The following PCOLCE variants were observed in gnomAD, a reference collection of about 807,000 sequenced individuals.
PCOLCE encodes procollagen C-endopeptidase enhancer 1.
PCOLCE carries 33 observed loss-of-function variants against 47.2 expected under a neutral mutation model. That is an observed-to-expected ratio of 0.70 (90% CI 0.53 to 0.93). The LOEUF is 0.93. PCOLCE is among the 40% of genes least tolerant of loss of function. PCOLCE has a pLI of 0.00. For synonymous variants in PCOLCE, 254 were observed against 252.5 expected, an observed-to-expected ratio of 1.01 and a Z score of -0.06; for missense variants, 584 against 585.3, an observed-to-expected ratio of 1.00 and a Z score of 0.02.
chr7:100,606,276 C>G (rs1364454787), intron 5 of PCOLCE, 140 bp from the exon 6 acceptor site: 1 of 625,356 alleles, frequency 1.6e-6, no homozygotes, highest in Non-Finnish European at 2.8e-6. Context: ...CTGCAGTAAG[C>G]CTAGATGGAG....
chr7:100,602,471 C>G lies in PCOLCE; in HGVS notation c.15C>G (p.Ala5=). ...CCCCCGGGGCCATGCTGCCTGCAGC[C>G]ACAGCCTCCCTCCTGGGGCCCCTCC... MLPA[A]TASLLGPLLT... The change falls in exon 1 of 9, where the codon GCC becomes GCG. Residue 5 remains alanine, a synonymous_variant. Transcript: ENST00000223061. 1.2e-6 allele frequency: 2 copies of G among 1,612,166 alleles called. No individual in the cohort carries two copies. The highest frequency in any genetic ancestry group is 1.7e-6 in the Non-Finnish European group (2 of 1,179,396).
rs774605703 is a variant in PCOLCE at position 100,606,399 on chromosome 7, T to C, written c.726-17T>C. On this transcript the variant is annotated splice_polypyrimidine_tract_variant and intron_variant, in intron 5 of 8. Coordinates refer to ENST00000223061, the MANE Select transcript of PCOLCE (RefSeq NM_002593.4). ...CCCGCCCTGACACTTCCCCCAATGC[T>C]CGGTGGCCACCTGCAGCTCCATCTC... 3 of 1,603,700 alleles carry C rather than the reference T, an allele frequency of 1.9e-6. No individual in the cohort carries two copies. The South Asian group carries it at 3.3e-5, about 18-fold the overall frequency.
Position 100,607,507 on chromosome 7 carries a change from C to A in PCOLCE, c.996C>A (p.Phe332Leu). Residue 332 changes from phenylalanine to leucine, a missense_variant, in exon 7 of 9, where the codon TTC (phenylalanine) becomes TTA (leucine). Physicochemically the swap from Phe to Leu is conservative, Grantham distance 22. Coordinates refer to ENST00000223061, the MANE Select transcript of PCOLCE (RefSeq NM_002593.4). Reference sequence around the variant, plus strand: ...GGACAGGCACCTTGCAGAGCAACTTCTGTGCCAGCAGCCTTGGTAAGAATA... The same window carrying A: ...GGACAGGCACCTTGCAGAGCAACTTATGTGCCAGCAGCCTTGGTAAGAATA... ...CRRTGTLQSN[F>L]CASSLVVTAT... is the part of the protein sequence containing the mutation. 6.2e-7 allele frequency: 1 copy of A among 1,614,128 alleles called. No homozygotes were observed. The highest frequency in any genetic ancestry group is 8.5e-7 in the Non-Finnish European group (1 of 1,179,998).
At chr7:100,607,090 C>CA (rs559618495) in intron 6 of PCOLCE, among the ~76,000 whole-genome samples, 3,336 of 105,050 alleles carry the variant, frequency 0.032, 150 homozygotes, top group African/African-American at 0.092. Context: ...GATTCTGTCT[C>CA]AAAAAAAAAA....
Position 100,605,044 on chromosome 7 carries a change from G to A in PCOLCE, c.464-47G>A, listed in dbSNP as rs1433172652. On this transcript the variant is annotated intron_variant, in intron 3 of 8. Coordinates refer to ENST00000223061, the MANE Select transcript of PCOLCE (RefSeq NM_002593.4). The surrounding 1 kb of genome is among the most constrained non-coding windows in gnomAD (Gnocchi z 6.1). Reference sequence around the variant, plus strand: ...GCCTAGAGTTCTCCTGAAGCTGACCGAGGGTCTCCACCGCCCCCCACCCCC... The same window carrying A: ...GCCTAGAGTTCTCCTGAAGCTGACCAAGGGTCTCCACCGCCCCCCACCCCC... 3 of 1,474,878 alleles carry A rather than the reference G, an allele frequency of 2.0e-6. No homozygotes were observed. Among genetic ancestry groups the A allele is most frequent in the Non-Finnish European group, 2.8e-6 (3 of 1,061,954 alleles). 91.4% of individuals were successfully genotyped at this position (1,474,878 alleles called of 1,614,324 possible). A position where few individuals can be genotyped will look rare whatever the true frequency, so the allele number is the denominator to read the frequency against.
In PCOLCE at chr7:100,605,139, C is replaced by A. The variant is rs750094971; in HGVS notation, c.512C>A (p.Thr171Asn). The change falls in exon 4 of 9, where the codon ACC (threonine) becomes AAC (asparagine). Residue 171 changes from threonine (T) to asparagine (N), a missense_variant. By Grantham distance (65) the Thr-to-Asn change is moderately conservative (BLOSUM62 0). Transcript: ENST00000223061. The surrounding 1 kb of genome is among the most constrained non-coding windows in gnomAD (Gnocchi z 6.1). ...CTGGAGAAGGCCCAGGGAACCCTGA[C>A]CACGCCCAACTGGCCCGAGTCCGAT... ...GRLEKAQGTL[T>N]TPNWPESDYP... is the part of the protein sequence containing the mutation. 2 of 1,612,864 alleles carry A rather than the reference C, an allele frequency of 1.2e-6. No individual in the cohort carries two copies. The highest frequency in any genetic ancestry group is 1.1e-5 in the South Asian group (1 of 91,032).
intron 1 of PCOLCE, chr7:100,603,041 C>A (rs1584439728): frequency 1.2e-5 from 3 of 246,090 alleles, no homozygotes; most frequent in Middle Eastern, 1.3e-3. Context: ...TCTCTCCACC[C>A]CCTCCCCCCC....
At chr7:100,603,824 T>C in intron 2 of PCOLCE, 135 bp from the exon 3 acceptor site, 2 of 981,876 alleles carry the variant, frequency 2.0e-6, no homozygotes, top group Admixed American at 2.3e-5. Flanking sequence ...CCAGGCCCTC[T>C]GCTCTGCACT....
Position 100,604,378 on chromosome 7 carries a change from C to G in PCOLCE, c.463+161C>G. ...CTCACTAACCGCCCCTTCAGTCCCT[C>G]CTCCCCGTCTTCTCTCCCCTCCTCC... On this transcript the variant is annotated intron_variant, in intron 3 of 8. Coordinates refer to ENST00000223061, the MANE Select transcript of PCOLCE (RefSeq NM_002593.4). The surrounding 1 kb of genome is among the most constrained non-coding windows in gnomAD (Gnocchi z 6.4). The G allele has an allele frequency of 1.6e-6, 1 of 634,636 alleles. No homozygotes were observed. The highest frequency in any genetic ancestry group is 2.8e-6 in the Non-Finnish European group (1 of 361,492). 39.3% of individuals were successfully genotyped at this position (634,636 alleles called of 1,614,324 possible).
rs758040292 is a variant in PCOLCE at position 100,605,143 on chromosome 7, G to A, written c.516G>A (p.Thr172=). The change falls in exon 4 of 9, where the codon ACG becomes ACA. Residue 172 remains threonine (T), a synonymous_variant. Coordinates refer to ENST00000223061, the MANE Select transcript of PCOLCE (RefSeq NM_002593.4). This position sits in a 1 kb window ranked among gnomAD's most constrained non-coding sequence, Gnocchi z 6.1. ...AGAAGGCCCAGGGAACCCTGACCAC[G>A]CCCAACTGGCCCGAGTCCGATTACC... ...RLEKAQGTLT[T]PNWPESDYPP... The A allele has an allele frequency of 8.1e-6, 13 of 1,612,748 alleles. No individual in the cohort carries two copies. The highest frequency in any genetic ancestry group is 1.1e-5 in the Non-Finnish European group (13 of 1,179,614).
chr7:100,603,804 G>T, intron 2 of PCOLCE, 155 bp from the exon 3 acceptor site: 1 of 799,200 alleles, frequency 1.3e-6, no homozygotes, highest in Non-Finnish European at 2.0e-6. Context: ...TACCAGCAGA[G>T]CTGCAGAGAC....
chr7:100,607,984 G>A lies in PCOLCE; in HGVS notation c.1231G>A (p.Val411Ile), dbSNP rs200657795. The part of the protein sequence containing the change: ...MGQVEENRGP[V>I]LPPESFVVLH... The stretch of plus-strand genomic sequence containing the variant: ...CCAGGTAGAAGAGAACAGAGGCCCC[G>A]TCCTTCCTCCAGAGAGCTTTGTGGT... The change falls in exon 9 of 9, where the codon GTC (valine) becomes ATC (isoleucine). Residue 411 changes from valine to isoleucine, a missense_variant. Physicochemically the swap from Val to Ile is conservative, Grantham distance 29 (BLOSUM62 3). Coordinates refer to ENST00000223061, the MANE Select transcript of PCOLCE (RefSeq NM_002593.4). 4.6e-5 allele frequency: 74 copies of A among 1,614,060 alleles called. No homozygotes were observed. Among genetic ancestry groups the A allele is most frequent in the East Asian group, 6.7e-5 (3 of 44,878 alleles).
intron 1 of PCOLCE, 153 bp from the exon 2 acceptor site, chr7:100,603,277 G>A (rs553992601): frequency 3.2e-5 from 17 of 533,104 alleles, no homozygotes; most frequent in South Asian, 3.2e-4. Context: ...TGTCCTGGCT[G>A]GTGGAAGCTG....
At chr7:100,606,952 G>A (rs981196424) in intron 6 of PCOLCE, among the ~76,000 whole-genome samples, 3 of 152,092 alleles carry the variant, frequency 2.0e-5, no homozygotes, top group Admixed American at 6.6e-5. Flanking sequence ...TTAGCCAGGT[G>A]TGGTGGTACA....
Position 100,604,982 on chromosome 7 carries a change from G to C in PCOLCE, c.464-109G>C. The C allele has an allele frequency of 2.8e-6, 2 of 707,916 alleles. No individual in the cohort carries two copies. Among genetic ancestry groups the C allele is most frequent in the South Asian group, 1.8e-5 (1 of 56,924 alleles). The allele number at this position is 707,916 out of a possible 1,614,324, so 43.9% of individuals were successfully genotyped here. On this transcript the variant is annotated intron_variant, in intron 3 of 8. Coordinates refer to ENST00000223061, the MANE Select transcript of PCOLCE (RefSeq NM_002593.4). The surrounding 1 kb of genome is among the most constrained non-coding windows in gnomAD (Gnocchi z 6.4). ...CCCCTTCTTCTCGTCCCCTCATCCT[G>C]AGCCCCAGACATCCGAGCTGCCTGC...
intron 5 of PCOLCE, chr7:100,606,034 T>A (rs1404952436): frequency 6.8e-6 from 4 of 590,190 alleles, no homozygotes; most frequent in Non-Finnish European, 1.2e-5. Context: ...GGGACGAAGT[T>A]AAAAGGCCAC....
chr7:100,605,810 G>T lies in PCOLCE; in HGVS notation c.723G>T (p.Pro241=). ...RLGKFCGDAV[P]GSISSEGNEL... ...GGAAGTTCTGCGGCGACGCAGTCCC[G>T]GGGTGAGGGGCGGGACCTGGGCGAG... The change falls in exon 5 of 9, where the codon CCG becomes CCT. Residue 241 remains proline (P), a splice_region_variant and synonymous_variant. Transcript: ENST00000223061. This position sits in a 1 kb window ranked among gnomAD's most constrained non-coding sequence, Gnocchi z 6.1. 2.6e-6 allele frequency: 4 copies of T among 1,551,936 alleles called. No individual in the cohort carries two copies. The highest frequency in any genetic ancestry group is 2.6e-6 in the Non-Finnish European group (3 of 1,147,452).
At position 100,607,703 on chromosome 7, in the gene PCOLCE, T is replaced by C. The variant is rs1385863671; in HGVS notation, c.1079T>C (p.Leu360Pro). ...PGEGLAVTVS[L>P]IGAYKTGGLD... Reference sequence around the variant, plus strand: ...GAGGGCCTTGCCGTGACTGTCAGTCTTATTGGTGCTTATAAAACTGGAGGA... The same window carrying C: ...GAGGGCCTTGCCGTGACTGTCAGTCCTATTGGTGCTTATAAAACTGGAGGA... The change falls in exon 8 of 9, where the codon CTT becomes CCT. Residue 360 changes from leucine (L) to proline (P), a missense_variant. By Grantham distance (98) the Leu-to-Pro change is moderately conservative (BLOSUM62 -3). Coordinates refer to ENST00000223061, the MANE Select transcript of PCOLCE (RefSeq NM_002593.4). 1.9e-6 allele frequency: 3 copies of C among 1,613,904 alleles called. No individual in the cohort carries two copies. The African/African-American group carries it at 4.0e-5, about 22-fold the overall frequency.
In PCOLCE at chr7:100,605,661, T is replaced by C; in HGVS notation, c.589-15T>C. The C allele has an allele frequency of 6.4e-7, 1 of 1,569,896 alleles. No homozygotes were observed. The highest frequency in any genetic ancestry group is 8.6e-7 in the Non-Finnish European group (1 of 1,158,398). On this transcript the variant is annotated splice_polypyrimidine_tract_variant and intron_variant, in intron 4 of 8. Transcript: ENST00000223061. This position sits in a 1 kb window ranked among gnomAD's most constrained non-coding sequence, Gnocchi z 6.1. Reference sequence around the variant, plus strand: ...GGTGTCCCGCCGCGCAGTCCCCGCCTCCGCCCGCCGCCAGGTCATCGCGCT... The same window carrying C: ...GGTGTCCCGCCGCGCAGTCCCCGCCCCCGCCCGCCGCCAGGTCATCGCGCT...
Sources: allele counts gnomAD v4.1 joint callset (sites outside exome capture counted in the v4.1 genomes callset), GRCh38; gene constraint gnomAD v4.1.1; non-coding constraint Gnocchi (gnomAD v3.1); transcripts MANE v1.5; gene names NCBI Gene and HGNC (gene_info 2026-07-23, HGNC 2026-07-21).